Variants in IST1 observed in about 807,000 individuals in gnomAD.
IST1 encodes IST1 factor associated with ESCRT-III.
IST1 carries 23 observed loss-of-function variants against 37.0 expected under a neutral mutation model. That is an observed-to-expected ratio of 0.62 (90% CI 0.45 to 0.88). The LOEUF (loss-of-function observed/expected upper bound fraction) is 0.88. IST1 is among the 40% of genes least tolerant of loss of function. The pLI, the probability that IST1 is intolerant of heterozygous loss-of-function variation, is 0.00. For missense variants in IST1, 488 were observed against 445.4 expected (o/e 1.10, Z -0.86); for synonymous variants, 180 against 161.7 (o/e 1.11, Z -0.86).
intron 4 of IST1, 145 bp from the exon 5 acceptor site, chr16:71,920,594 G>A: frequency 3.3e-6 from 2 of 608,884 alleles, no homozygotes; most frequent in Non-Finnish European, 6.0e-6. Context: ...ACAAATAGTG[G>A]ATTAATGCAT....
intron 4 of IST1, 95 bp downstream of exon 4, chr16:71,917,229 T>C: frequency 1.4e-6 from 1 of 723,582 alleles, no homozygotes; most frequent in South Asian, 1.8e-5. Flanking sequence ...ACCAGATATT[T>C]TGTACCATTC....
Position 71,922,692 on chromosome 16 carries a change from T to G in IST1, c.759+12T>G. 1 of 1,586,690 alleles carries G rather than the reference T, an allele frequency of 6.3e-7. No individual in the cohort carries two copies. Among genetic ancestry groups the G allele is most frequent in the South Asian group, 1.1e-5 (1 of 89,576 alleles). The stretch of plus-strand genomic sequence containing the variant: ...TGCCAAAGGGACCAGTAAGTATATA[T>G]AAGTGTGGATGTAAGCTTTAGAAAA... On this transcript the variant is annotated intron_variant, in intron 7 of 9. Coordinates refer to ENST00000378799, the MANE Select transcript of IST1 (RefSeq NM_001270975.2).
Position 71,929,992 on chromosome 16 carries a change from G to GC in IST1, c.*2179_*2180insC. ...ATGTCAGCCCGTCATCTTAGGGGCA[G>GC]TTACAGTGGAGCTTTCCCAGTGATA... On this transcript the variant is annotated 3_prime_UTR_variant, in exon 10 of 10. Transcript: ENST00000378799. 1.3e-6 allele frequency: 2 copies of GC among 1,489,170 alleles called. No individual in the cohort carries two copies. Among genetic ancestry groups the GC allele is most frequent in the South Asian group, 2.6e-5 (2 of 76,770 alleles). The allele number at this position is 1,489,170 out of a possible 1,614,324, so 92.2% of individuals were successfully genotyped here.
chr16:71,903,095 C>T (rs1027264132), intron 1 of IST1: 1 of 152,394 alleles, frequency 6.6e-6, no homozygotes, highest in Non-Finnish European at 1.5e-5. Flanking sequence ...CTCACTGCCT[C>T]AGCCTTGCAA....
At chr16:71,923,460 G>C (rs1200366710) in intron 8 of IST1, 80 bp downstream of exon 8, 1 of 873,088 alleles carries the variant, frequency 1.1e-6, no homozygotes, top group Admixed American at 2.0e-5. Context: ...CACAGGGAAG[G>C]CAGAGTTTTG....
At chr16:71,921,546 T>A (rs2037585231) in intron 6 of IST1, 93 bp downstream of exon 6, 2 of 741,700 alleles carry the variant, frequency 2.7e-6, no homozygotes, top group Non-Finnish European at 4.7e-6. Context: ...AACTTAAATT[T>A]GTGTGAGTTT....
chr16:71,929,639 A>G lies in IST1; in HGVS notation c.*1826A>G. 1 of 1,551,830 alleles carries G rather than the reference A, an allele frequency of 6.4e-7. No homozygotes were observed. The highest frequency in any genetic ancestry group is 1.4e-5 in the African/African-American group (1 of 73,174). On this transcript the variant is annotated 3_prime_UTR_variant, in exon 10 of 10. Coordinates refer to ENST00000378799, the MANE Select transcript of IST1 (RefSeq NM_001270975.2). The stretch of plus-strand genomic sequence containing the variant: ...GGCCAACTGATTCCTAACAAATTTG[A>G]GAGCTTCTGTAGCAGTGTATCTATT...
In IST1 at chr16:71,924,822, G is replaced by C; in HGVS notation, c.901+5G>C. 6.3e-7 allele frequency: 1 copy of C among 1,596,354 alleles called. No individual in the cohort carries two copies. Among genetic ancestry groups the C allele is most frequent in the East Asian group, 2.2e-5 (1 of 44,826 alleles). On this transcript the variant is annotated splice_donor_5th_base_variant and intron_variant, in intron 9 of 9. Coordinates refer to ENST00000378799, the MANE Select transcript of IST1 (RefSeq NM_001270975.2). ...TCTCTTCTGCACAGATTGTTGGTGA[G>C]TAGTATCAATCAGAAACCTGCAGAG...
At chr16:71,910,968 C>G (rs1156631598) in intron 1 of IST1, among the ~76,000 whole-genome samples, 2 of 151,962 alleles carry the variant, frequency 1.3e-5, no homozygotes, top group Non-Finnish European at 2.9e-5. Flanking sequence ...TACTTTTCAG[C>G]TTGATTTAAA....
intron 8 of IST1, chr16:71,924,036 G>A (rs986755944): frequency 2.9e-5 from 13 of 445,136 alleles, no homozygotes; most frequent in African/African-American, 2.2e-4. Context: ...CATCTAGGAA[G>A]ATCTTCCTGT....
rs1411563971 is a variant in IST1, at chr16:71,915,709, A to G, written c.69A>G (p.Lys23=). ...VNLRLVINRL[K]LLEKKKTELA... is the part of the protein sequence containing the mutation. Reference sequence around the variant, plus strand: ...TGAGATTAGTCATAAATCGCCTTAAACTATTGGAGAAAAAGAAAAGTGAGT... The same window carrying G: ...TGAGATTAGTCATAAATCGCCTTAAGCTATTGGAGAAAAAGAAAAGTGAGT... The change falls in exon 2 of 10, where the codon AAA becomes AAG. Residue 23 remains lysine, a synonymous_variant. Coordinates refer to ENST00000378799, the MANE Select transcript of IST1 (RefSeq NM_001270975.2). The G allele has an allele frequency of 6.2e-7, 1 of 1,610,810 alleles. No homozygotes were observed. The highest frequency in any genetic ancestry group is 8.5e-7 in the Non-Finnish European group (1 of 1,178,004).
At chr16:71,898,809 G>A (rs770440492) in intron 1 of IST1, among the ~76,000 whole-genome samples, 1 of 151,084 alleles carries the variant, frequency 6.6e-6, no homozygotes, top group Non-Finnish European at 1.5e-5. Context: ...AAACCTCGTC[G>A]CTACTAAAAA....
At chr16:71,901,268 C>T (rs2037101679) in intron 1 of IST1, among the ~76,000 whole-genome samples, 1 of 151,940 alleles carries the variant, frequency 6.6e-6, no homozygotes, top group Non-Finnish European at 1.5e-5. Flanking sequence ...GGCTGGAGTG[C>T]AGTAGCACGA....
upstream of IST1, chr16:71,894,863 C>T: frequency 1.3e-6 from 2 of 1,530,432 alleles, no homozygotes; most frequent in Non-Finnish European, 1.8e-6. Flanking sequence ...ACAAAGGTAA[C>T]CAAGGAAAAA....
chr16:71,895,451 C>T, upstream of IST1: 1 of 909,652 alleles, frequency 1.1e-6, no homozygotes, highest in Non-Finnish European at 1.3e-6. Context: ...GCAGCCAATC[C>T]CTGGAAAGGA....
chr16:71,924,183 A>C (rs1349806920), intron 8 of IST1: 1 of 455,866 alleles, frequency 2.2e-6, no homozygotes, highest in Non-Finnish European at 4.4e-6. Context: ...TGAGGTCGAA[A>C]ATCTTCATCA....
chr16:71,930,322 A>C lies in IST1; in HGVS notation c.*2509A>C. The C allele has an allele frequency of 1.2e-6, 1 of 835,232 alleles. No individual in the cohort carries two copies. The allele number at this position is 835,232 out of a possible 1,614,324, so 51.7% of individuals were successfully genotyped here. On this transcript the variant is annotated 3_prime_UTR_variant, in exon 10 of 10. Coordinates refer to ENST00000378799, the MANE Select transcript of IST1 (RefSeq NM_001270975.2). ...AACTTAGGGAGAGAGTCAAAAGATA[A>C]TAAGAAGGAAAATACTTTTAAATGG...
intron 9 of IST1, among the ~76,000 whole-genome samples, chr16:71,925,316 A>ATTTTTT (rs772300347): frequency 1.3e-5 from 1 of 78,820 alleles, no homozygotes; most frequent in African/African-American, 4.7e-5. Flanking sequence ...CCCCCAGCTG[A>ATTTTTT]TTTTTTTTTT....
chr16:71,904,976 T>C (rs1486943395), intron 1 of IST1, among the ~76,000 whole-genome samples: 1 of 152,196 alleles, frequency 6.6e-6, no homozygotes, highest in Non-Finnish European at 1.5e-5. Flanking sequence ...TTTTGAGCTA[T>C]TTGAACATAT....
Sources: allele counts gnomAD v4.1 joint callset (sites outside exome capture counted in the v4.1 genomes callset), GRCh38; gene constraint gnomAD v4.1.1; transcripts MANE v1.5; gene names NCBI Gene and HGNC (gene_info 2026-07-23, HGNC 2026-07-21).